Variants in IKZF5 observed in about 807,000 individuals in gnomAD.
IKZF5 encodes the protein zinc finger protein Pegasus.
Under a neutral mutation model 30.7 loss-of-function variants are expected in IKZF5, and 4 were observed. That is an observed-to-expected ratio of 0.13 (90% confidence interval 0.06 to 0.30). The LOEUF (loss-of-function observed/expected upper bound fraction) is 0.30, where lower values mean the gene tolerates loss of function less well. Among genes scored for constraint, IKZF5 ranks in the 10% least tolerant of loss-of-function variants. The pLI, the probability that IKZF5 is intolerant of heterozygous loss-of-function variation, is 1.00. For missense variants in IKZF5, 348 were observed against 525.5 expected (o/e 0.66, Z 3.30); for synonymous variants, 148 against 179.6 (o/e 0.82, Z 1.41).
chr10:123,001,573 G>A (rs1849587679), intron 2 of IKZF5, among the ~76,000 whole-genome samples: 2 of 152,152 alleles, frequency 1.3e-5, no homozygotes, highest in Non-Finnish European at 1.5e-5. Flanking sequence ...TCCCAGCAAT[G>A]TGTACCTAAC....
At chr10:123,005,714 A>T (rs1356905674) in intron 2 of IKZF5, among the ~76,000 whole-genome samples, 2 of 152,204 alleles carry the variant, frequency 1.3e-5, no homozygotes, top group Non-Finnish European at 2.9e-5. Flanking sequence ...CCTTGTGAAG[A>T]GATCCAGAGA....
intron 3 of IKZF5, 158 bp downstream of exon 3, chr10:122,998,335 C>G: frequency 1.7e-6 from 1 of 574,630 alleles, no homozygotes. Flanking sequence ...CAGCAGAAGT[C>G]TGATATGTTT....
intron 2 of IKZF5, among the ~76,000 whole-genome samples, chr10:123,002,562 T>C (rs1239915786): frequency 6.9e-6 from 1 of 144,238 alleles, no homozygotes; most frequent in African/African-American, 2.6e-5. Flanking sequence ...CGGTGGCTCA[T>C]ATCTGTAATT....
chr10:123,003,170 A>G (rs1283017019), intron 2 of IKZF5, among the ~76,000 whole-genome samples: 1 of 130,306 alleles, frequency 7.7e-6, no homozygotes, highest in Non-Finnish European at 1.6e-5. Flanking sequence ...AGCTGGGATT[A>G]CAGGTGCCCG....
At chr10:123,002,076 C>T (rs1849606543) in intron 2 of IKZF5, among the ~76,000 whole-genome samples, 1 of 152,204 alleles carries the variant, frequency 6.6e-6, no homozygotes, top group African/African-American at 2.4e-5. Context: ...TTCTTGTCTT[C>T]TCTCTTCACA....
intron 3 of IKZF5, 168 bp downstream of exon 3, chr10:122,998,325 C>A: frequency 1.8e-6 from 1 of 542,036 alleles, no homozygotes; most frequent in Non-Finnish European, 3.2e-6. Context: ...AAGTACTCTC[C>A]AGCAGAAGTC....
At chr10:122,999,404 G>A (rs1301448601) in intron 2 of IKZF5, among the ~76,000 whole-genome samples, 1 of 152,192 alleles carries the variant, frequency 6.6e-6, no homozygotes, top group Non-Finnish European at 1.5e-5. Context: ...GCAAATAAGT[G>A]GTCTAGAACT....
At chr10:123,004,755 G>T (rs984147928) in intron 2 of IKZF5, among the ~76,000 whole-genome samples, 1 of 151,992 alleles carries the variant, frequency 6.6e-6, no homozygotes, top group Non-Finnish European at 1.5e-5. Flanking sequence ...ATCCTGTCAT[G>T]ATTTAAAAAT....
At chr10:123,006,477 A>G (rs1172548044) in intron 2 of IKZF5, among the ~76,000 whole-genome samples, 1 of 152,220 alleles carries the variant, frequency 6.6e-6, no homozygotes, top group African/African-American at 2.4e-5. Flanking sequence ...GCAAATTAGA[A>G]GGCATTCACA....
chr10:122,994,322 G>T lies in IKZF5; in HGVS notation c.718C>A (p.Pro240Thr). The T allele has an allele frequency of 5.6e-6, 9 of 1,614,098 alleles. No homozygotes were observed. The highest frequency in any genetic ancestry group is 7.6e-6 in the Non-Finnish European group (9 of 1,180,008). Reference protein sequence around the residue: ...MAKTTPTGGLPRDPQELMVDN... With the variant: ...MAKTTPTGGLTRDPQELMVDN... ...ACCATGAGTTCTTGGGGGTCCCTTG[G>T]AAGGCCACCAGTTGGTGTGGTTTTT... The change falls in exon 5 of 5, where the codon CCA becomes ACA. Residue 240 changes from proline (P) to threonine (T), a missense_variant. Physicochemically the swap from Pro to Thr is conservative, Grantham distance 38. Transcript: ENST00000368886. The surrounding 1 kb of genome is among the most constrained non-coding windows in gnomAD (Gnocchi z 5.6).
At chr10:123,003,768 G>A (rs541846850) in intron 2 of IKZF5, among the ~76,000 whole-genome samples, 1 of 152,150 alleles carries the variant, frequency 6.6e-6, no homozygotes, top group African/African-American at 2.4e-5. Context: ...CTGAGCATCT[G>A]TTTCTTAGTT....
chr10:123,001,014 C>CTTT (rs1359372875), intron 2 of IKZF5, among the ~76,000 whole-genome samples: 1 of 140,914 alleles, frequency 7.1e-6, no homozygotes. Context: ...CTTTTCTTTT[C>CTTT]TTTTTTTTTT....
intron 2 of IKZF5, among the ~76,000 whole-genome samples, chr10:123,002,348 C>G (rs1203795173): frequency 6.6e-6 from 1 of 151,528 alleles, no homozygotes; most frequent in Non-Finnish European, 1.5e-5. Context: ...GAAACCCCAT[C>G]TCTACTAAAA....
chr10:123,001,005 TTTTC>T (rs1229905644), intron 2 of IKZF5, among the ~76,000 whole-genome samples: 1 of 147,998 alleles, frequency 6.8e-6, no homozygotes, highest in East Asian at 1.9e-4. Context: ...TTTTCTCTTC[TTTTC>T]TTTTCTTTTT....
rs2133394712 is a variant in IKZF5, at chr10:122,998,609, G to A, written c.17C>T (p.Pro6Leu). Reference protein sequence around the residue: MGEKKPEPLDFVKDFQ... With the variant: MGEKKLEPLDFVKDFQ... ...ATCTTTCACGAAGTCCAAAGGCTCTGGTTTTTTTTCACCCATCTTTGCTTT... is the reference window on the plus strand; with the variant it reads ...ATCTTTCACGAAGTCCAAAGGCTCTAGTTTTTTTTCACCCATCTTTGCTTT... Residue 6 changes from proline to leucine, a missense_variant, in exon 3 of 5, where the codon CCA becomes CTA. By Grantham distance (98) the Pro-to-Leu change is moderately conservative. This residue lies in a region of IKZF5 where 80 missense variants were observed against 93.2 expected (regional missense o/e 0.86). Transcript: ENST00000368886. 1 of 1,611,476 alleles carries A rather than the reference G, an allele frequency of 6.2e-7. No individual in the cohort carries two copies. The highest frequency in any genetic ancestry group is 8.5e-7 in the Non-Finnish European group (1 of 1,179,024).
Position 122,996,170 on chromosome 10 carries a change from G to C in IKZF5, c.140C>G (p.Thr47Arg). The C allele has an allele frequency of 6.2e-7, 1 of 1,612,574 alleles. No individual in the cohort carries two copies. The highest frequency in any genetic ancestry group is 2.2e-5 in the East Asian group (1 of 44,880). Residue 47 changes from threonine (T) to arginine (R), a missense_variant, in exon 4 of 5, where the codon ACA (threonine) becomes AGA (arginine). Physicochemically the swap from Thr to Arg is moderately conservative, Grantham distance 71 (BLOSUM62 -1). This residue lies in a region of IKZF5 where 80 missense variants were observed against 93.2 expected (regional missense o/e 0.86). Coordinates refer to ENST00000368886, the MANE Select transcript of IKZF5 (RefSeq NM_001372123.1). ...KEAEALQGAG[T>R]DGDQNGLDHP... The stretch of plus-strand genomic sequence containing the variant: ...ATCAAGTCCATTTTGATCACCATCT[G>C]TTCCAGCTATAAACAAAGTACCGCA...
Position 122,993,930 on chromosome 10 carries a change from A to G in IKZF5, c.1110T>C (p.Asp370=), listed in dbSNP as rs764029447. ...AAAGGATGTTGTCTGCAAAGTACAT[A>G]TCACAGTGCTGGCAGTGGTGCAGAA... The part of the protein sequence containing the change: ...PQLLHHCQHC[D]MYFADNILYT... Residue 370 remains aspartate, a synonymous_variant, in exon 5 of 5, where the codon GAT becomes GAC. Transcript: ENST00000368886. 1 of 1,614,196 alleles carries G rather than the reference A, an allele frequency of 6.2e-7. No homozygotes were observed. The highest frequency in any genetic ancestry group is 1.1e-5 in the South Asian group (1 of 91,090).
intron 2 of IKZF5, among the ~76,000 whole-genome samples, chr10:123,004,817 C>G (rs1362115251): frequency 6.6e-6 from 1 of 152,058 alleles, no homozygotes; most frequent in Non-Finnish European, 1.5e-5. Flanking sequence ...CCTGTATGGC[C>G]TCTATCCCAT....
At chr10:123,005,964 T>C (rs1346481121) in intron 2 of IKZF5, among the ~76,000 whole-genome samples, 1 of 152,234 alleles carries the variant, frequency 6.6e-6, no homozygotes, top group Non-Finnish European at 1.5e-5. Flanking sequence ...TTGTTCCTTA[T>C]GATATAGCAA....
Sources: allele counts gnomAD v4.1 joint callset (sites outside exome capture counted in the v4.1 genomes callset), GRCh38; gene constraint gnomAD v4.1.1; regional missense constraint gnomAD v4.1.1; non-coding constraint Gnocchi (gnomAD v3.1); transcripts MANE v1.5; gene names NCBI Gene and HGNC (gene_info 2026-07-23, HGNC 2026-07-21).